NTMT1: variants seen among roughly 807,000 people sequenced by gnomAD.
NTMT1 encodes N-terminal RCC1 methyltransferase.
NTMT1 carries 8 observed loss-of-function variants against 17.5 expected under a neutral mutation model. The observed-to-expected ratio is 0.46, with a 90% CI of 0.27 to 0.82. NTMT1 has a LOEUF of 0.82. Among genes scored for constraint, NTMT1 ranks in the 40% least tolerant of loss-of-function variants. The pLI is 0.15. For missense variants in NTMT1, 221 were observed against 303.5 expected, an observed-to-expected ratio of 0.73 and a Z score of 2.02; for synonymous variants, 128 against 126.8, an observed-to-expected ratio of 1.01 and a Z score of -0.06.
intron 2 of NTMT1, 51 bp from the exon 3 acceptor site, chr9:129,634,003 C>T (rs1588143672): frequency 6.3e-7 from 1 of 1,578,684 alleles, no homozygotes; most frequent in African/African-American, 1.3e-5. Context: ...GGAAGGGCCG[C>T]ACGTGCGGTG....
intron 1 of NTMT1, chr9:129,612,506 G>A: frequency 7.0e-7 from 1 of 1,423,720 alleles, no homozygotes; most frequent in Non-Finnish European, 9.8e-7. Context: ...CGGGGCAGGG[G>A]ACTGGGCTCC....
chr9:129,612,976 C>G (rs1052811469), intron 1 of NTMT1: 28 of 1,183,248 alleles, frequency 2.4e-5, no homozygotes, highest in Non-Finnish European at 3.2e-5. Context: ...TGCAAGCCCC[C>G]ACGGTGACTT....
At chr9:129,623,825 T>TTC (rs1564342707), upstream of NTMT1, among the ~76,000 whole-genome samples, 1 of 140,986 alleles carries the variant, frequency 7.1e-6, no homozygotes, top group Non-Finnish European at 1.6e-5. Flanking sequence ...TTTCTTTTCT[T>TTC]TTCTTTTTTT....
At chr9:129,623,823 C>CTTTT (rs746654555), upstream of NTMT1, among the ~76,000 whole-genome samples, 41 of 107,814 alleles carry the variant, frequency 3.8e-4, 15 homozygotes, top group Non-Finnish European at 3.4e-4. Flanking sequence ...TTTTTCTTTT[C>CTTTT]TTTTCTTTTT....
chr9:129,633,348 C>G (rs556627709), intron 2 of NTMT1: 6 of 254,966 alleles, frequency 2.4e-5, no homozygotes, highest in African/African-American at 1.3e-4. Context: ...TGTTGGCCAC[C>G]TGCTCCATCC....
intron 1 of NTMT1, among the ~76,000 whole-genome samples, chr9:129,615,276 C>G (rs367851464): frequency 6.6e-6 from 1 of 152,210 alleles, no homozygotes; most frequent in Non-Finnish European, 1.5e-5. Flanking sequence ...TGGAACACCT[C>G]CACTGGACTC....
In NTMT1 at chr9:129,635,323, C is replaced by T. The variant is rs145564237; in HGVS notation, c.531C>T (p.Asp177=). 22 of 1,613,724 alleles carry T rather than the reference C, an allele frequency of 1.4e-5. No homozygotes were observed. Among genetic ancestry groups the T allele is most frequent in the African/African-American group, 5.3e-5 (4 of 74,940 alleles). Residue 177 remains aspartate, a synonymous_variant, in exon 4 of 4, where the codon GAC becomes GAT. Coordinates refer to ENST00000372483, the MANE Select transcript of NTMT1 (RefSeq NM_014064.4). ...DNMAQEGVIL[D]DVDSSVCRDL... The stretch of plus-strand genomic sequence containing the variant: ...TGGCCCAGGAGGGCGTGATTCTGGA[C>T]GACGTGGACAGCAGCGTGTGCCGGG...
chr9:129,623,955 G>C (rs143132239), upstream of NTMT1, among the ~76,000 whole-genome samples: 1 of 151,328 alleles, frequency 6.6e-6, no homozygotes, highest in Non-Finnish European at 1.5e-5. Flanking sequence ...CACCACGCCC[G>C]GCTAATTTTT....
Position 129,613,397 on chromosome 9 carries a change from A to G in NTMT1, c.-55+4219A>G, listed in dbSNP as rs560022767. On this transcript the variant is annotated intron_variant, in intron 1 of 3. Transcript: ENST00000372486. The surrounding 1 kb of genome is among the most constrained non-coding windows in gnomAD (Gnocchi z 6.2). ...GGCAAGGGGGGTGGAGGGCCCTGGC[A>G]ATGTCCACGAGTCCCATCCGCTTCC... 2.5e-6 allele frequency: 4 copies of G among 1,605,180 alleles called. No homozygotes were observed. The African/African-American group carries it at 5.3e-5, about 21-fold the overall frequency.
chr9:129,613,466 C>T lies in NTMT1; in HGVS notation c.-55+4288C>T. The T allele has an allele frequency of 6.2e-7, 1 of 1,614,090 alleles. No homozygotes were observed. Among genetic ancestry groups the T allele is most frequent in the Non-Finnish European group, 8.5e-7 (1 of 1,180,026 alleles). On this transcript the variant is annotated intron_variant, in intron 1 of 3. Transcript: ENST00000372486. This position sits in a 1 kb window ranked among gnomAD's most constrained non-coding sequence, Gnocchi z 6.2. Reference sequence around the variant, plus strand: ...GCGCAGTCCCAACACGAGGAGCTGGCCAGGGTCTCCTCCTTGGCCCCAGGG... The same window carrying T: ...GCGCAGTCCCAACACGAGGAGCTGGTCAGGGTCTCCTCCTTGGCCCCAGGG...
chr9:129,635,222 C>G lies in NTMT1; in HGVS notation c.430C>G (p.Gln144Glu), dbSNP rs1831467224. Residue 144 changes from glutamine (Q) to glutamate (E), a missense_variant, in exon 4 of 4, where the codon CAG (glutamine) becomes GAG (glutamate). Gln to Glu is a conservative substitution (Grantham distance 29). Transcript: ENST00000372483. Reference protein sequence around the residue: ...IQWVIGHLTDQHLAEFLRRCK... With the variant: ...IQWVIGHLTDEHLAEFLRRCK... ...GCCCTCCCCAGGCCACCTCACCGATCAGCACCTGGCCGAGTTCCTGCGGCG... is the reference window on the plus strand; with the variant it reads ...GCCCTCCCCAGGCCACCTCACCGATGAGCACCTGGCCGAGTTCCTGCGGCG... 2 of 1,610,218 alleles carry G rather than the reference C, an allele frequency of 1.2e-6. No homozygotes were observed. Among genetic ancestry groups the G allele is most frequent in the Non-Finnish European group, 1.7e-6 (2 of 1,179,870 alleles).
chr9:129,623,022 C>A (rs1260405563), upstream of NTMT1, among the ~76,000 whole-genome samples: 2 of 91,772 alleles, frequency 2.2e-5, no homozygotes, highest in Non-Finnish European at 4.2e-5. Flanking sequence ...GAGTGAGACT[C>A]CATCTCCATA....
rs1297404622 is a variant in NTMT1 at position 129,620,903 on chromosome 9, C to T, written c.-55+11725C>T. On this transcript the variant is annotated intron_variant, in intron 1 of 3. Coordinates refer to the NTMT1 transcript ENST00000372486. This position sits in a 1 kb window ranked among gnomAD's most constrained non-coding sequence, Gnocchi z 5.8. ...CTGGCCAAGCTTACACATAGACTAG[C>T]TGCCATTCTTAGTATTTCAAAGTTA... 1.1e-5 allele frequency: 3 copies of T among 273,040 alleles called. No individual in the cohort carries two copies. Among genetic ancestry groups the T allele is most frequent in the Non-Finnish European group, 2.0e-5 (3 of 146,576 alleles). The allele number at this position is 273,040 out of a possible 1,614,324, so 16.9% of individuals were successfully genotyped here.
chr9:129,625,173 G>A (rs550376830), upstream of NTMT1, among the ~76,000 whole-genome samples: 29 of 152,104 alleles, frequency 1.9e-4, no homozygotes, highest in Non-Finnish European at 3.8e-4. Context: ...GCAAGCTCCC[G>A]TTTCCATCAC....
chr9:129,634,925 T>G, intron 3 of NTMT1: 2 of 419,708 alleles, frequency 4.8e-6, no homozygotes, highest in Non-Finnish European at 8.7e-6. Flanking sequence ...CTGGCAGGGG[T>G]GGGGCATCAT....
intron 1 of NTMT1, among the ~76,000 whole-genome samples, chr9:129,631,148 C>CGGGCT (rs1491150940): frequency 6.6e-6 from 1 of 152,230 alleles, no homozygotes; most frequent in Non-Finnish European, 1.5e-5. Flanking sequence ...CTGCCCAGCT[C>CGGGCT]GGGCTGCCTC....
chr9:129,609,941 G>A (rs547528581), intron 1 of NTMT1, among the ~76,000 whole-genome samples: 3 of 151,642 alleles, frequency 2.0e-5, no homozygotes, highest in East Asian at 3.9e-4. Context: ...GGGTATGTGT[G>A]TGGTGTGTGT....
rs376101234 is a variant in NTMT1, at chr9:129,635,166, G to A, written c.416-42G>A. The A allele has an allele frequency of 2.5e-4, 399 of 1,582,720 alleles. 1 individual carries two copies. The Middle Eastern group carries it at 4.4e-3, about 17-fold the overall frequency. On this transcript the variant is annotated intron_variant, in intron 3 of 3. Coordinates refer to ENST00000372483, the MANE Select transcript of NTMT1 (RefSeq NM_014064.4). ...TACATCCCATCCAGTGCCGACATCC[G>A]CTTGCATGGTGCCCTGGTAACCTTG...
chr9:129,635,192 C>A lies in NTMT1; in HGVS notation c.416-16C>A. On this transcript the variant is annotated splice_polypyrimidine_tract_variant and intron_variant, in intron 3 of 3. Transcript: ENST00000372483. ...CTTGCATGGTGCCCTGGTAACCTTG[C>A]CTCTGCCCTCCCCAGGCCACCTCAC... 1 of 1,599,838 alleles carries A rather than the reference C, an allele frequency of 6.3e-7. No homozygotes were observed. The highest frequency in any genetic ancestry group is 8.5e-7 in the Non-Finnish European group (1 of 1,176,282).
Sources: allele counts gnomAD v4.1 joint callset (sites outside exome capture counted in the v4.1 genomes callset), GRCh38; gene constraint gnomAD v4.1.1; non-coding constraint Gnocchi (gnomAD v3.1); transcripts MANE v1.5; gene names NCBI Gene and HGNC (gene_info 2026-07-23, HGNC 2026-07-21).